TIMM50: variants seen among roughly 807,000 people sequenced by gnomAD.
TIMM50 encodes mitochondrial import inner membrane translocase subunit TIM50.
In TIMM50, 34 loss-of-function variants were observed where a neutral mutation model predicts 49.6. That is an observed-to-expected ratio of 0.69 (90% CI 0.52 to 0.91). TIMM50 has a LOEUF of 0.91. Ranked by LOEUF, TIMM50 falls within the 40% of genes least tolerant of loss-of-function variation. The pLI, the probability that TIMM50 is intolerant of heterozygous loss-of-function variation, is 0.00. For missense variants in TIMM50, 458 were observed against 477.8 expected (o/e 0.96, Z 0.39); for synonymous variants, 199 against 198.4 (o/e 1.00, Z -0.03).
rs954624839 is a variant in TIMM50 at position 39,489,803 on chromosome 19, C to A, written c.1045C>A (p.Arg349Ser). 1 of 1,609,880 alleles carries A rather than the reference C, an allele frequency of 6.2e-7. No homozygotes were observed. The highest frequency in any genetic ancestry group is 1.7e-5 in the Admixed American group (1 of 59,418). Residue 349 changes from arginine (R) to serine (S), a missense_variant, in exon 11 of 11, where the codon CGC becomes AGC. Transcript: ENST00000607714. ...LGSLTSRLWP[R>S]SKQP is the part of the protein sequence containing the mutation. Reference sequence around the variant, plus strand: ...CTCCCTCACCAGCCGCTTGTGGCCTCGCTCCAAACAGCCCTGAACTCTGGG... The same window carrying A: ...CTCCCTCACCAGCCGCTTGTGGCCTAGCTCCAAACAGCCCTGAACTCTGGG...
intron 10 of TIMM50, among the ~76,000 whole-genome samples, 184 bp from the exon 11 acceptor site, chr19:39,489,535 G>C (rs189242799): frequency 1.1e-4 from 16 of 152,160 alleles, no homozygotes; most frequent in Non-Finnish European, 2.1e-4. Context: ...GGGGTGGGGG[G>C]ACTGGGGTCT....
In TIMM50 at chr19:39,490,188, A is replaced by T; in HGVS notation, c.*368A>T. On this transcript the variant is annotated 3_prime_UTR_variant, in exon 11 of 11. Coordinates refer to ENST00000607714, the MANE Select transcript of TIMM50 (RefSeq NM_001001563.5). ...GGAAGAGAGGATGGCACTTGGCTTT[A>T]AAGACAGGTAGCTGCCAGGCTACTG... 4.7e-6 allele frequency: 1 copy of T among 211,208 alleles called. No homozygotes were observed. The highest frequency in any genetic ancestry group is 9.7e-6 in the Non-Finnish European group (1 of 103,482). 13.1% of individuals were successfully genotyped at this position (211,208 alleles called of 1,614,324 possible).
chr19:39,489,831 T>G lies in TIMM50; in HGVS notation c.*11T>G. 2 of 1,594,592 alleles carry G rather than the reference T, an allele frequency of 1.3e-6. No individual in the cohort carries two copies. Among genetic ancestry groups the G allele is most frequent in the South Asian group, 1.1e-5 (1 of 87,426 alleles). ...TCCAAACAGCCCTGAACTCTGGGCCTCCTCAAACTCAGTGCCTGGGTCCAG... is the reference window on the plus strand; with the variant it reads ...TCCAAACAGCCCTGAACTCTGGGCCGCCTCAAACTCAGTGCCTGGGTCCAG... On this transcript the variant is annotated 3_prime_UTR_variant, in exon 11 of 11. Coordinates refer to ENST00000607714, the MANE Select transcript of TIMM50 (RefSeq NM_001001563.5).
chr19:39,486,930 A>G lies in TIMM50; in HGVS notation c.696+435A>G, dbSNP rs538495289. 4.6e-5 allele frequency among the ~76,000 whole-genome samples: 7 copies of G among 152,022 alleles called. No homozygotes were observed. The East Asian group carries it at 7.7e-4, about 17-fold the overall frequency. ...ATGGGCCTCTGTGGGTCTGGCTCCA[A>G]GTGTCTGTGTGTCTGTTGGTTTCTG... On this transcript the variant is annotated intron_variant, in intron 8 of 10. Transcript: ENST00000607714.
At chr19:39,481,842 C>G (rs1217483365) in intron 1 of TIMM50, 41 bp from the exon 2 acceptor site, 2 of 1,597,380 alleles carry the variant, frequency 1.3e-6, no homozygotes, top group Non-Finnish European at 1.7e-6. Flanking sequence ...CCATCCTGAC[C>G]TCTCTTCTCT....
chr19:39,482,592 G>A (rs1481973063), intron 2 of TIMM50, among the ~76,000 whole-genome samples: 5 of 151,508 alleles, frequency 3.3e-5, no homozygotes, highest in Non-Finnish European at 5.9e-5. Context: ...CCCGGGAGGC[G>A]GAGCTTGCAG....
rs534690256 is a variant in TIMM50 at position 39,483,240 on chromosome 19, C to T, written c.313+84C>T. The T allele has an allele frequency of 8.3e-6, 13 of 1,559,814 alleles. No individual in the cohort carries two copies. In the Admixed American group the frequency reaches 1.9e-4, roughly 22 times the overall value. On this transcript the variant is annotated intron_variant, in intron 4 of 10. Transcript: ENST00000607714. ...GGATGTCTCTCTCCCCATCTGGTGT[C>T]TCCGGCCCCTCCTCCTTCCACTGGG...
intron 2 of TIMM50, 148 bp downstream of exon 2, chr19:39,482,181 G>A (rs1030152616): frequency 5.2e-6 from 5 of 967,186 alleles, no homozygotes; most frequent in African/African-American, 3.3e-5. Flanking sequence ...CACCTACCTT[G>A]AAAACCAGGG....
At chr19:39,483,375 G>T in intron 4 of TIMM50, 318 of 454,408 alleles carry the variant, frequency 7.0e-4, no homozygotes, top group Non-Finnish European at 8.4e-4. Context: ...ACAGATGGGG[G>T]ATTGGAGCCT....
intron 10 of TIMM50, 59 bp from the exon 11 acceptor site, chr19:39,489,660 G>T: frequency 6.7e-7 from 1 of 1,481,512 alleles, no homozygotes; most frequent in African/African-American, 1.4e-5. Context: ...CTGGGCATCT[G>T]GGAGGAGGCT....
chr19:39,480,871 G>A lies in TIMM50; in HGVS notation c.18G>A (p.Ala6=). 1 of 1,599,908 alleles carries A rather than the reference G, an allele frequency of 6.3e-7. No individual in the cohort carries two copies. ...AGCGCAAGATGGCGGCCTCGGCAGC[G>A]GTGTTCTCGCGCTTGCGAAGCGGGC... MAASA[A]VFSRLRSGLR... Residue 6 remains alanine (A), a synonymous_variant, in exon 1 of 11, where the codon GCG becomes GCA. Coordinates refer to ENST00000607714, the MANE Select transcript of TIMM50 (RefSeq NM_001001563.5).
intron 8 of TIMM50, 36 bp from the exon 9 acceptor site, chr19:39,488,025 G>A (rs2079518871): frequency 1.9e-6 from 3 of 1,584,802 alleles, no homozygotes; most frequent in African/African-American, 1.3e-5. Flanking sequence ...GGAGAGTTGG[G>A]CACAGATGTT....
In TIMM50 at chr19:39,480,841, G is replaced by A. The variant is rs2079464752; in HGVS notation, c.-13G>A. ...GGGAGCGAGTGGGCGGGGCCGCGTG[G>A]CGTCAGCGCAAGATGGCGGCCTCGG... is the stretch of plus-strand genomic sequence containing the variant. On this transcript the variant is annotated 5_prime_UTR_variant, in exon 1 of 11. Coordinates refer to ENST00000607714, the MANE Select transcript of TIMM50 (RefSeq NM_001001563.5). The A allele has an allele frequency of 6.3e-7, 1 of 1,594,336 alleles. No homozygotes were observed. The highest frequency in any genetic ancestry group is 8.5e-7 in the Non-Finnish European group (1 of 1,171,312).
Position 39,492,889 on chromosome 19 carries a change from A to AAAAAAAC in TIMM50, c.*3072_*3073insAAACAAA. ...CTGTCTCCAAAAAAAAAAAAAAAAA[A>AAAAAAAC]AAACAAAAAAAAAACCAGTTTGACT... is the stretch of plus-strand genomic sequence containing the variant. On this transcript the variant is annotated 3_prime_UTR_variant, in exon 11 of 11. Coordinates refer to ENST00000607714, the MANE Select transcript of TIMM50 (RefSeq NM_001001563.5). 1 of 145,376 alleles carries AAAAAAAC rather than the reference A, an allele frequency of 6.9e-6. No homozygotes were observed. The highest frequency in any genetic ancestry group is 2.7e-5 in the African/African-American group (1 of 37,252). The allele number at this position is 145,376 out of a possible 1,614,324, so 9.0% of individuals were successfully genotyped here. A position where few individuals can be genotyped will look rare whatever the true frequency, so the allele number is the denominator to read the frequency against.
At chr19:39,488,723 A>G in intron 10 of TIMM50, 78 bp downstream of exon 10, 1 of 1,204,758 alleles carries the variant, frequency 8.3e-7, no homozygotes, top group Non-Finnish European at 1.2e-6. Context: ...CCATCTCCAC[A>G]CTCTTGGTTT....
Position 39,488,113 on chromosome 19 carries a change from A to G in TIMM50, c.749A>G (p.Lys250Arg). The change falls in exon 9 of 11, where the codon AAG (lysine) becomes AGG (arginine). Residue 250 changes from lysine to arginine, a missense_variant. Coordinates refer to ENST00000607714, the MANE Select transcript of TIMM50 (RefSeq NM_001001563.5). ...GCTCGAGTAGTAGTTGTGGACTGCAAGAAGGAAGCCTTCCGCCTGCAGCCC... is the reference window on the plus strand; with the variant it reads ...GCTCGAGTAGTAGTTGTGGACTGCAGGAAGGAAGCCTTCCGCCTGCAGCCC... ...DPARVVVVDC[K>R]KEAFRLQPYN... is the part of the protein sequence containing the mutation. 1 of 1,613,906 alleles carries G rather than the reference A, an allele frequency of 6.2e-7. No homozygotes were observed. Among genetic ancestry groups the G allele is most frequent in the South Asian group, 1.1e-5 (1 of 91,084 alleles).
intron 6 of TIMM50, 25 bp downstream of exon 6, chr19:39,485,832 T>C (rs761064493): frequency 6.2e-7 from 1 of 1,613,332 alleles, no homozygotes; most frequent in Non-Finnish European, 8.5e-7. Flanking sequence ...ACCCAGTGGG[T>C]TGGGGATAGA....
In TIMM50 at chr19:39,489,766, C is replaced by T. The variant is rs1411377263; in HGVS notation, c.1008C>T (p.Asn336=). Reference sequence around the variant, plus strand: ...AGCTCTCCAAGTCCAACAAGCAGAACCTCTTCCTTGGCTCCCTCACCAGCC... The same window carrying T: ...AGCTCTCCAAGTCCAACAAGCAGAATCTCTTCCTTGGCTCCCTCACCAGCC... The part of the protein sequence containing the change: ...LAELSKSNKQ[N]LFLGSLTSRL... Residue 336 remains asparagine (N), a synonymous_variant, in exon 11 of 11, where the codon AAC becomes AAT. Transcript: ENST00000607714. The T allele has an allele frequency of 4.3e-6, 7 of 1,612,470 alleles. No homozygotes were observed. Among genetic ancestry groups the T allele is most frequent in the Non-Finnish European group, 5.9e-6 (7 of 1,179,516 alleles).
chr19:39,488,196 G>A lies in TIMM50; in HGVS notation c.832G>A (p.Asp278Asn). Residue 278 changes from aspartate to asparagine, a missense_variant, in exon 9 of 11, where the codon GAT becomes AAT. Physicochemically the swap from Asp to Asn is conservative, Grantham distance 23. Transcript: ENST00000607714. ...CAACTCTGATGACCGGGTCTTGTTG[G>A]ATCTGTCTGCCTTCCTCAAGAGTAA... ...DGNSDDRVLL[D>N]LSAFLKTIAL... is the part of the protein sequence containing the mutation. 6.2e-7 allele frequency: 1 copy of A among 1,613,320 alleles called. No homozygotes were observed. Among genetic ancestry groups the A allele is most frequent in the Non-Finnish European group, 8.5e-7 (1 of 1,179,328 alleles).
Sources: gnomAD v4.1 joint callset for allele counts (sites outside exome capture counted in the v4.1 genomes callset) on GRCh38, gnomAD v4.1.1 for gene constraint, MANE v1.5 for transcripts, NCBI Gene and HGNC (gene_info 2026-07-23, HGNC 2026-07-21) for gene names.